Variants in ZNF277 observed in about 807,000 individuals in gnomAD.
ZNF277 encodes the protein zinc finger protein 277.
ZNF277 carries 55 observed loss-of-function variants against 60.7 expected under a neutral mutation model. That is an observed-to-expected ratio of 0.91 (90% CI 0.73 to 1.13). The LOEUF (loss-of-function observed/expected upper bound fraction) is 1.13, where lower values mean the gene tolerates loss of function less well. Ranked by LOEUF, ZNF277 falls within the 50% of genes most tolerant of loss-of-function variation. ZNF277 has a pLI of 0.00. For missense variants in ZNF277, 510 were observed against 523.0 expected (o/e 0.98, Z 0.24); for synonymous variants, 178 against 179.3 (o/e 0.99, Z 0.06).
At chr7:112,332,436 T>C (rs1448738641) in intron 7 of ZNF277, among the ~76,000 whole-genome samples, 2 of 152,162 alleles carry the variant, frequency 1.3e-5, no homozygotes, top group African/African-American at 4.8e-5. Flanking sequence ...TTTCCTTCAT[T>C]TTTACAATTG....
chr7:112,232,322 A>T lies in ZNF277; in HGVS notation c.91+25515A>T, dbSNP rs376102131. ...CCTGTGGAATGGACAAGATCTGTCT[A>T]TTTGAAGAATTCTAATAAAGTAGTA... On this transcript the variant is annotated intron_variant, in intron 1 of 11. Transcript: ENST00000361822. Among the ~76,000 whole-genome samples the T allele has an allele frequency of 9.2e-5, 14 of 152,204 alleles. No homozygotes were observed. In the East Asian group the frequency reaches 2.7e-3, roughly 29 times the overall value.
intron 1 of ZNF277, among the ~76,000 whole-genome samples, chr7:112,232,456 A>C (rs1000964894): frequency 2.6e-5 from 4 of 152,182 alleles, no homozygotes; most frequent in African/African-American, 9.7e-5. Flanking sequence ...GCTAGATTAC[A>C]AATGAAGTAC....
intron 1 of ZNF277, among the ~76,000 whole-genome samples, chr7:112,283,877 C>T (rs576471714): frequency 3.3e-5 from 5 of 152,252 alleles, no homozygotes; most frequent in African/African-American, 1.2e-4. Flanking sequence ...ATTAGGGAGA[C>T]TGGAGGACAT....
At chr7:112,249,028 G>C (rs536273386) in intron 1 of ZNF277, among the ~76,000 whole-genome samples, 14 of 152,258 alleles carry the variant, frequency 9.2e-5, no homozygotes, top group African/African-American at 2.9e-4. Flanking sequence ...TCGCTAGCCT[G>C]TACTGTTAAC....
intron 1 of ZNF277, among the ~76,000 whole-genome samples, chr7:112,207,456 A>G (rs949052316): frequency 1.3e-5 from 2 of 152,214 alleles, no homozygotes; most frequent in South Asian, 4.1e-4. Flanking sequence ...AAAGAAAAGG[A>G]AAGTGATAGA....
intron 1 of ZNF277, among the ~76,000 whole-genome samples, chr7:112,242,825 A>G (rs951141856): frequency 2.0e-5 from 3 of 152,068 alleles, no homozygotes; most frequent in African/African-American, 4.8e-5. Context: ...AGATTTAAAA[A>G]TTCACATGGA....
At position 112,208,674 on chromosome 7, in the gene ZNF277, A is replaced by ATTTTTTTTT. The variant is rs869082099; in HGVS notation, c.91+1883_91+1891dup. On this transcript the variant is annotated intron_variant, in intron 1 of 11. Transcript: ENST00000361822. The stretch of plus-strand genomic sequence containing the variant: ...ATATGACACACGTCTGTATGATTTG[A>ATTTTTTTTT]TTTTTTTTTTTTTTTTTTTTTTTTG... Among the ~76,000 whole-genome samples, 482 of 72,808 alleles carry ATTTTTTTTT rather than the reference A, an allele frequency of 6.6e-3. 35 individuals carry two copies. The highest frequency in any genetic ancestry group is 8.7e-3 in the East Asian group (18 of 2,058). The allele number at this position is 72,808 out of a possible 152,430, so 47.8% of individuals were successfully genotyped here.
At chr7:112,264,827 A>G (rs79641266) in intron 1 of ZNF277, among the ~76,000 whole-genome samples, 1,915 of 152,276 alleles carry the variant, frequency 0.013, 49 homozygotes, top group African/African-American at 0.043. Context: ...TCAAAAAATA[A>G]TGTACATACC....
intron 7 of ZNF277, 83 bp from the exon 8 acceptor site, chr7:112,336,021 G>T: frequency 4.1e-6 from 5 of 1,208,652 alleles, no homozygotes; most frequent in African/African-American, 1.5e-5. Flanking sequence ...TATTTTTTTG[G>T]TTTTGATTTT....
At chr7:112,303,290 T>C (rs896542306) in intron 4 of ZNF277, among the ~76,000 whole-genome samples, 1 of 152,102 alleles carries the variant, frequency 6.6e-6, no homozygotes, top group Admixed American at 6.6e-5. Flanking sequence ...TTAGAATTAA[T>C]GAAAATGGCT....
At chr7:112,283,703 T>G (rs1563215049) in intron 1 of ZNF277, among the ~76,000 whole-genome samples, 1 of 152,138 alleles carries the variant, frequency 6.6e-6, no homozygotes, top group Non-Finnish European at 1.5e-5. Flanking sequence ...AAAGAGAAAC[T>G]GAGCATTAGA....
At chr7:112,323,573 T>A (rs567240562) in intron 5 of ZNF277, among the ~76,000 whole-genome samples, 81 of 152,292 alleles carry the variant, frequency 5.3e-4, no homozygotes, top group African/African-American at 1.7e-3. Context: ...AAGGCTATTG[T>A]GGAGCTAAGG....
In ZNF277 at chr7:112,322,502, G is replaced by C. The variant is rs535372671; in HGVS notation, c.557+4229G>C. ...ACTTTAAAATCCAAAATTTCTATTG[G>C]TTGTCTTTTTAAAAAAAATACTTTC... On this transcript the variant is annotated intron_variant, in intron 5 of 11. Transcript: ENST00000361822. Among the ~76,000 whole-genome samples, 112 of 150,738 alleles carry C rather than the reference G, an allele frequency of 7.4e-4. 1 individual carries two copies. Among genetic ancestry groups the C allele is most frequent in the Non-Finnish European group, 1.4e-3 (94 of 67,490 alleles).
chr7:112,244,233 T>C (rs1453670499), intron 1 of ZNF277, among the ~76,000 whole-genome samples: 2 of 152,178 alleles, frequency 1.3e-5, no homozygotes, highest in South Asian at 2.1e-4. Context: ...CTGTGAGATA[T>C]AGCCACATAA....
intron 1 of ZNF277, among the ~76,000 whole-genome samples, chr7:112,215,334 T>C (rs1217969047): frequency 6.6e-6 from 1 of 152,322 alleles, no homozygotes; most frequent in Middle Eastern, 3.4e-3. Context: ...ATATATAAAC[T>C]CTGTAAGGAC....
intron 1 of ZNF277, among the ~76,000 whole-genome samples, chr7:112,250,801 G>A (rs1321436343): frequency 6.6e-6 from 1 of 152,106 alleles, no homozygotes; most frequent in Non-Finnish European, 1.5e-5. Context: ...CCAAGTGGTG[G>A]AAGTCTTGCT....
At chr7:112,314,250 C>T (rs1792792813) in intron 4 of ZNF277, among the ~76,000 whole-genome samples, 1 of 152,002 alleles carries the variant, frequency 6.6e-6, no homozygotes, top group Non-Finnish European at 1.5e-5. Context: ...AATACAGAAC[C>T]CCTAAGTGTC....
At chr7:112,208,641 A>G (rs1447255043) in intron 1 of ZNF277, among the ~76,000 whole-genome samples, 2 of 120,940 alleles carry the variant, frequency 1.7e-5, no homozygotes. Flanking sequence ...TTAAACCACC[A>G]TATTCTTATA....
At chr7:112,316,876 A>G (rs1792856748) in intron 4 of ZNF277, among the ~76,000 whole-genome samples, 1 of 152,132 alleles carries the variant, frequency 6.6e-6, no homozygotes, top group South Asian at 2.1e-4. Context: ...AACACTATTC[A>G]CAACAGCGAA....
Sources: allele counts gnomAD v4.1 joint callset (sites outside exome capture counted in the v4.1 genomes callset), GRCh38; gene constraint gnomAD v4.1.1; transcripts MANE v1.5; gene names NCBI Gene and HGNC (gene_info 2026-07-23, HGNC 2026-07-21).